The following ARHGEF28 variants were observed in gnomAD, a reference collection of about 807,000 sequenced individuals.
The protein encoded by ARHGEF28 is 190 kDa guanine nucleotide exchange factor.
Under a neutral mutation model 206.6 loss-of-function variants are expected in ARHGEF28, and 152 were observed. The observed-to-expected ratio is 0.74, with a 90% CI of 0.64 to 0.84. The LOEUF (loss-of-function observed/expected upper bound fraction) is 0.84, where lower values mean the gene tolerates loss of function less well. Ranked by LOEUF, ARHGEF28 falls within the 40% of genes least tolerant of loss-of-function variation. ARHGEF28 has a pLI of 0.00. For synonymous variants in ARHGEF28, 763 were observed against 776.4 expected (o/e 0.98, Z 0.29); for missense variants, 2,028 against 2,073.2 (o/e 0.98, Z 0.42).
chr5:73,652,143 A>G (rs946380288), intron 1 of ARHGEF28, among the ~76,000 whole-genome samples: 2 of 152,158 alleles, frequency 1.3e-5, no homozygotes, highest in African/African-American at 2.4e-5. Context: ...TTTAAGTGCT[A>G]GGGAATGGGG....
At chr5:73,887,569 C>T (rs1479294153) in intron 25 of ARHGEF28, 34 bp from the exon 26 acceptor site, 3 of 1,469,748 alleles carry the variant, frequency 2.0e-6, no homozygotes, top group African/African-American at 2.8e-5. Flanking sequence ...CTGTGGTTTG[C>T]TTCATTAATA....
intron 35 of ARHGEF28, among the ~76,000 whole-genome samples, chr5:73,912,807 A>G (rs1456812763): frequency 6.6e-6 from 1 of 152,216 alleles, no homozygotes; most frequent in African/African-American, 2.4e-5. Flanking sequence ...AGATTGCAGA[A>G]TTCTTTTTCT....
At chr5:73,761,882 G>C (rs1350553953) in intron 4 of ARHGEF28, among the ~76,000 whole-genome samples, 2 of 151,942 alleles carry the variant, frequency 1.3e-5, no homozygotes, top group African/African-American at 2.4e-5. Context: ...TTTTTTTTAA[G>C]ATGGGGTGTC....
chr5:73,806,357 ATCTATC>A (rs1415216651), intron 9 of ARHGEF28, among the ~76,000 whole-genome samples: 5 of 105,454 alleles, frequency 4.7e-5, no homozygotes, highest in Non-Finnish European at 8.8e-5. Context: ...TAGATATACT[ATCTATC>A]TATATATACT....
intron 2 of ARHGEF28, among the ~76,000 whole-genome samples, chr5:73,687,160 T>C (rs1747527828): frequency 6.6e-6 from 1 of 152,110 alleles, no homozygotes; most frequent in African/African-American, 2.4e-5. Context: ...TTCACCATGA[T>C]CTAGCATTAT....
chr5:73,878,383 G>A (rs1275537243), intron 22 of ARHGEF28, among the ~76,000 whole-genome samples: 3 of 151,798 alleles, frequency 2.0e-5, no homozygotes, highest in Non-Finnish European at 4.4e-5. Context: ...TATCCAATTT[G>A]CCAGTCTGTG....
chr5:73,898,711 TA>T (rs1762098765), intron 30 of ARHGEF28: 1 of 152,140 alleles, frequency 6.6e-6, no homozygotes, highest in Non-Finnish European at 1.5e-5. Context: ...CAAAACATTT[TA>T]AATATAAAAA....
At chr5:73,713,989 T>A (rs1293731877) in intron 2 of ARHGEF28, among the ~76,000 whole-genome samples, 2 of 152,150 alleles carry the variant, frequency 1.3e-5, no homozygotes, top group Non-Finnish European at 2.9e-5. Context: ...GCTAAACATA[T>A]CTTGGATTTT....
chr5:73,673,352 G>A (rs1321265388), intron 1 of ARHGEF28, among the ~76,000 whole-genome samples: 1 of 152,156 alleles, frequency 6.6e-6, no homozygotes, highest in African/African-American at 2.4e-5. Flanking sequence ...AAACTAACAT[G>A]GCAAATAGAA....
chr5:73,866,372 T>C (rs974844236), intron 18 of ARHGEF28, among the ~76,000 whole-genome samples: 2 of 152,220 alleles, frequency 1.3e-5, no homozygotes, highest in African/African-American at 4.8e-5. Context: ...TACCTTACTT[T>C]GTTTTCCTAG....
At chr5:73,745,158 CA>C (rs1195771381) in intron 2 of ARHGEF28, among the ~76,000 whole-genome samples, 1 of 151,848 alleles carries the variant, frequency 6.6e-6, no homozygotes, top group Non-Finnish European at 1.5e-5. Context: ...TGTTGTTCAG[CA>C]AATAGCATTG....
At position 73,795,332 on chromosome 5, in the gene ARHGEF28, G is replaced by T; in HGVS notation, c.965G>T (p.Arg322Leu). Residue 322 changes from arginine (R) to leucine (L), a missense_variant and splice_region_variant, in exon 9 of 36, where the codon CGT becomes CTT. By Grantham distance (102) the Arg-to-Leu change is moderately radical (BLOSUM62 -2). Transcript: ENST00000513042. ...RSAAEKEDIK[R>L]VKSLVVQHNE... ...TCCACCTGACTTTATCTCTTCCAGC[G>T]TGTCAAAAGCCTGGTGGTTCAACAC... 6.2e-7 allele frequency: 1 copy of T among 1,613,424 alleles called. No homozygotes were observed. Among genetic ancestry groups the T allele is most frequent in the Non-Finnish European group, 8.5e-7 (1 of 1,179,658 alleles).
intron 35 of ARHGEF28, among the ~76,000 whole-genome samples, chr5:73,913,124 A>C (rs1449128873): frequency 6.6e-6 from 1 of 152,256 alleles, no homozygotes; most frequent in Non-Finnish European, 1.5e-5. Flanking sequence ...TCCACATGTA[A>C]GGAATTAGAG....
chr5:73,881,080 C>A (rs149660043), intron 22 of ARHGEF28, among the ~76,000 whole-genome samples: 86 of 150,852 alleles, frequency 5.7e-4, no homozygotes, highest in African/African-American at 2.1e-3. Flanking sequence ...GCTCCAGTGC[C>A]ATTCGTTGAA....
At chr5:73,724,116 C>T (rs1005980173) in intron 2 of ARHGEF28, among the ~76,000 whole-genome samples, 2 of 152,150 alleles carry the variant, frequency 1.3e-5, no homozygotes, top group African/African-American at 4.8e-5. Flanking sequence ...AATTCTCATT[C>T]CTCTATTAAA....
Position 73,897,899 on chromosome 5 carries a change from G to A in ARHGEF28, c.3842-63G>A. 3 of 1,500,500 alleles carry A rather than the reference G, an allele frequency of 2.0e-6. No homozygotes were observed. In the South Asian group the frequency reaches 3.7e-5, roughly 18 times the overall value. The allele number at this position is 1,500,500 out of a possible 1,614,324, so 92.9% of individuals were successfully genotyped here. ...GCCAAATGCGATTTGCCAATTCCTG[G>A]TCTAGATTAAATATATACCTATCTT... On this transcript the variant is annotated intron_variant, in intron 29 of 35. Transcript: ENST00000513042.
chr5:73,731,834 A>G (rs995177169), intron 2 of ARHGEF28, among the ~76,000 whole-genome samples: 2 of 152,136 alleles, frequency 1.3e-5, no homozygotes, highest in Non-Finnish European at 2.9e-5. Flanking sequence ...TTATTTATCA[A>G]TGAAGCTGTT....
At chr5:73,828,905 C>G (rs1364781591) in intron 9 of ARHGEF28, among the ~76,000 whole-genome samples, 1 of 152,134 alleles carries the variant, frequency 6.6e-6, no homozygotes, top group Admixed American at 6.5e-5. Flanking sequence ...ACTGCAGCCT[C>G]CACCTCCCAG....
intron 1 of ARHGEF28, among the ~76,000 whole-genome samples, chr5:73,682,493 T>C (rs1747174893): frequency 6.6e-6 from 1 of 151,292 alleles, no homozygotes; most frequent in Non-Finnish European, 1.5e-5. Context: ...TCTGAGCTCA[T>C]TGCAACCCCT....
Sources: gnomAD v4.1 joint callset for allele counts (sites outside exome capture counted in the v4.1 genomes callset) on GRCh38, gnomAD v4.1.1 for gene constraint, MANE v1.5 for transcripts, NCBI Gene and HGNC (gene_info 2026-07-23, HGNC 2026-07-21) for gene names.